Variants in CSMD3 observed in about 807,000 individuals in gnomAD.
The protein encoded by CSMD3 is CUB and sushi domain-containing protein 3.
Under a neutral mutation model 435.2 loss-of-function variants are expected in CSMD3, and 177 were observed. The ratio of observed to expected loss-of-function variants is 0.41; its 90% CI spans 0.36 to 0.46. CSMD3 has a LOEUF of 0.46. Among genes scored for constraint, CSMD3 ranks in the 20% least tolerant of loss-of-function variants. The pLI, the probability that CSMD3 is intolerant of heterozygous loss-of-function variation, is 0.34. For missense variants in CSMD3, 4,265 were observed against 4,504.6 expected (o/e 0.95, Z 1.52); for synonymous variants, 1,656 against 1,520.5 (o/e 1.09, Z -2.07).
intron 5 of CSMD3, among the ~76,000 whole-genome samples, chr8:113,067,475 A>G (rs1936690775): frequency 6.6e-6 from 1 of 152,134 alleles, no homozygotes; most frequent in South Asian, 2.1e-4. Context: ...GTGAAGTTCT[A>G]AAATTTATAT....
intron 13 of CSMD3, among the ~76,000 whole-genome samples, chr8:112,740,362 TTTTTTGTG>T (rs1427211098): frequency 7.1e-6 from 1 of 140,532 alleles, no homozygotes; most frequent in Non-Finnish European, 1.6e-5. Flanking sequence ...AGCTTTGATC[TTTTTTGTG>T]TTTTTTTCAC....
At chr8:112,490,626 C>T (rs911017480) in intron 31 of CSMD3, among the ~76,000 whole-genome samples, 10 of 151,904 alleles carry the variant, frequency 6.6e-5, no homozygotes, top group African/African-American at 2.2e-4. Context: ...TTTTTGTGTC[C>T]TTTGATATTT....
intron 12 of CSMD3, among the ~76,000 whole-genome samples, chr8:112,808,746 C>A (rs2079151853): frequency 6.6e-6 from 1 of 151,998 alleles, no homozygotes; most frequent in African/African-American, 2.4e-5. Flanking sequence ...GCTAGGCTCC[C>A]CCTCCCCTTT....
At chr8:112,516,882 A>G in intron 28 of CSMD3, 152 bp downstream of exon 28, 1 of 625,524 alleles carries the variant, frequency 1.6e-6, no homozygotes, top group Non-Finnish European at 2.8e-6. Context: ...TAATCATTTT[A>G]CAATTTTGTA....
intron 16 of CSMD3, 98 bp from the exon 17 acceptor site, chr8:112,666,513 T>A: frequency 9.7e-7 from 1 of 1,033,060 alleles, no homozygotes; most frequent in Non-Finnish European, 1.5e-6. Flanking sequence ...TCTCTGCATA[T>A]CCTTATTAAA....
intron 12 of CSMD3, among the ~76,000 whole-genome samples, chr8:112,813,535 T>C (rs2079286193): frequency 6.6e-6 from 1 of 152,074 alleles, no homozygotes; most frequent in Non-Finnish European, 1.5e-5. Flanking sequence ...CTTTTAACTT[T>C]AGTTTTGCGG....
chr8:113,358,210 T>C (rs747287350), intron 1 of CSMD3, among the ~76,000 whole-genome samples: 3 of 152,234 alleles, frequency 2.0e-5, no homozygotes, highest in Admixed American at 6.5e-5. Flanking sequence ...GAAACACTTA[T>C]TAAATTGTAA....
chr8:113,328,707 T>C (rs2094002932), intron 1 of CSMD3, among the ~76,000 whole-genome samples: 1 of 147,302 alleles, frequency 6.8e-6, no homozygotes, highest in Non-Finnish European at 1.5e-5. Context: ...TTTTCTTTTC[T>C]TTCTTTCTTT....
chr8:113,183,826 A>G (rs1044856783), intron 3 of CSMD3, among the ~76,000 whole-genome samples: 4 of 152,018 alleles, frequency 2.6e-5, no homozygotes, highest in Non-Finnish European at 5.9e-5. Context: ...AAGCCAAATC[A>G]AACTGTGTTT....
chr8:112,636,769 T>C (rs771314957), intron 22 of CSMD3, 48 bp downstream of exon 22: 4 of 1,458,512 alleles, frequency 2.7e-6, no homozygotes, highest in African/African-American at 1.4e-5. Context: ...TGCAACTCCA[T>C]GGACAGTGAC....
chr8:112,411,501 A>G (rs185446851), intron 32 of CSMD3, among the ~76,000 whole-genome samples: 102 of 152,094 alleles, frequency 6.7e-4, no homozygotes, highest in Non-Finnish European at 1.3e-3. Context: ...CCAGAAAAAA[A>G]GTTACTCTGA....
At chr8:113,076,701 T>C (rs1036648312) in intron 5 of CSMD3, among the ~76,000 whole-genome samples, 1 of 152,088 alleles carries the variant, frequency 6.6e-6, no homozygotes, top group African/African-American at 2.4e-5. Flanking sequence ...CATTAAAGCA[T>C]ATCCTCAGGT....
In CSMD3 at chr8:113,173,802, A is replaced by G. The variant is rs2092306500; in HGVS notation, c.629T>C (p.Leu210Pro). The G allele has an allele frequency of 4.3e-6, 7 of 1,613,806 alleles. No individual in the cohort carries two copies. The highest frequency in any genetic ancestry group is 5.9e-6 in the Non-Finnish European group (7 of 1,179,842). The change falls in exon 4 of 71, where the codon CTT becomes CCT. Residue 210 changes from leucine to proline, a missense_variant. Physicochemically the swap from Leu to Pro is moderately conservative, Grantham distance 98. This residue lies in a region of CSMD3 where 731 missense variants were observed against 755.4 expected (regional missense o/e 0.97). Transcript: ENST00000297405. ...IRYSCVTGYILDGHPQLTCIA... is the reference protein window; with the variant it reads ...IRYSCVTGYIPDGHPQLTCIA... The stretch of plus-strand genomic sequence containing the variant: ...GCAGGTGAGCTGAGGGTGGCCATCA[A>G]GGATGTATCCAGTTACACAGCTGTA...
At chr8:112,600,834 C>T (rs1345209751) in intron 22 of CSMD3, among the ~76,000 whole-genome samples, 2 of 152,028 alleles carry the variant, frequency 1.3e-5, no homozygotes, top group South Asian at 2.1e-4. Context: ...CCCGCCACTA[C>T]GCCCAGCTAA....
At chr8:113,188,335 A>T (rs1402345267) in intron 3 of CSMD3, among the ~76,000 whole-genome samples, 2 of 152,030 alleles carry the variant, frequency 1.3e-5, no homozygotes, top group Non-Finnish European at 2.9e-5. Context: ...TAAGCTCCAG[A>T]TATTTATTTG....
chr8:113,235,843 T>A (rs1182846238), intron 3 of CSMD3, among the ~76,000 whole-genome samples: 1 of 148,882 alleles, frequency 6.7e-6, no homozygotes, highest in Admixed American at 6.7e-5. Flanking sequence ...GACCACCCAA[T>A]TTTTTGCAAG....
At chr8:112,362,596 T>C (rs2131127418) in intron 38 of CSMD3, among the ~76,000 whole-genome samples, 1 of 152,158 alleles carries the variant, frequency 6.6e-6, no homozygotes, top group South Asian at 2.1e-4. Flanking sequence ...TGTATCATGT[T>C]ACATTCCAGA....
chr8:112,363,268 C>T (rs1227990093), intron 38 of CSMD3, among the ~76,000 whole-genome samples: 2 of 151,858 alleles, frequency 1.3e-5, no homozygotes, highest in Non-Finnish European at 2.9e-5. Flanking sequence ...ATTGGAAGTG[C>T]CTAACAAATG....
At chr8:112,636,667 C>T (rs4496999) in intron 22 of CSMD3, 150 bp downstream of exon 22, 62,688 of 713,780 alleles carry the variant, frequency 0.088, 3,131 homozygotes, top group East Asian at 0.13. Flanking sequence ...AATTCAGTTA[C>T]ACCAGATTGC....
Sources: gnomAD v4.1 joint callset for allele counts (sites outside exome capture counted in the v4.1 genomes callset) on GRCh38, gnomAD v4.1.1 for gene constraint, gnomAD v4.1.1 regional missense constraint, MANE v1.5 for transcripts, NCBI Gene and HGNC (gene_info 2026-07-23, HGNC 2026-07-21) for gene names.